The following KLHL13 variants were observed in gnomAD, a reference collection of about 807,000 sequenced individuals.
KLHL13 encodes the protein kelch like family member 13, also known as kelch-like protein 13.
A neutral mutation model predicts 37.1 loss-of-function variants in KLHL13; 10 were observed. The observed-to-expected ratio is 0.27, with a 90% CI of 0.17 to 0.46. The LOEUF (loss-of-function observed/expected upper bound fraction) is 0.46, where lower values mean the gene tolerates loss of function less well. Among genes scored for constraint, KLHL13 ranks in the 20% least tolerant of loss-of-function variants. The pLI, the probability that KLHL13 is intolerant of heterozygous loss-of-function variation, is 1.00. For synonymous variants in KLHL13, 163 were observed against 181.2 expected, an observed-to-expected ratio of 0.90 and a Z score of 0.81; for missense variants, 360 against 509.3, an observed-to-expected ratio of 0.71 and a Z score of 2.82.
At chrX:117,982,859 T>C (rs1407036564) in intron 1 of KLHL13, among the ~76,000 whole-genome samples, 1 of 111,655 alleles carries the variant, frequency 9.0e-6, no homozygotes, top group Non-Finnish European at 1.9e-5. Context: ...CACTGGCTGC[T>C]CAACACCAGT....
At chrX:118,095,104 TAA>T (rs1471976508) in intron 1 of KLHL13, among the ~76,000 whole-genome samples, 6 of 111,356 alleles carry the variant, frequency 5.4e-5, no homozygotes, top group African/African-American at 9.8e-5. Context: ...GCAAATTGGA[TAA>T]AGAGTCAAGA....
chrX:117,979,549 T>C (rs1362130556), intron 1 of KLHL13, among the ~76,000 whole-genome samples: 1 of 111,469 alleles, frequency 9.0e-6, no homozygotes, highest in Non-Finnish European at 1.9e-5. Context: ...GTTGAGTAAA[T>C]TGAAAGGGAA....
At chrX:117,960,402 T>C (rs73595673) in intron 1 of KLHL13, among the ~76,000 whole-genome samples, 2,976 of 110,708 alleles carry the variant, frequency 0.027, 100 homozygotes, top group African/African-American at 0.092. Context: ...TCAAACATAA[T>C]GGTCAATGAC....
At chrX:117,925,699 T>C (rs1038339926) in intron 2 of KLHL13, among the ~76,000 whole-genome samples, 1 of 112,297 alleles carries the variant, frequency 8.9e-6, no homozygotes, top group Non-Finnish European at 1.9e-5. Flanking sequence ...TGCAGAGACT[T>C]CTTTGATCTG....
chrX:118,090,583 A>G (rs1367252223), intron 1 of KLHL13, among the ~76,000 whole-genome samples: 7 of 111,553 alleles, frequency 6.3e-5, no homozygotes, highest in African/African-American at 2.3e-4. Flanking sequence ...ATGAGATACC[A>G]TCTCACACCA....
intron 1 of KLHL13, among the ~76,000 whole-genome samples, chrX:118,036,148 C>T (rs766276659): frequency 1.3e-4 from 13 of 100,425 alleles, no homozygotes; most frequent in Middle Eastern, 4.8e-3. Flanking sequence ...GAATCAATAT[C>T]GTGAAAATGG....
chrX:118,001,173 C>T (rs1440349622), intron 1 of KLHL13, among the ~76,000 whole-genome samples: 1 of 111,711 alleles, frequency 9.0e-6, no homozygotes, highest in African/African-American at 3.3e-5. Context: ...AACCAGCTTC[C>T]ATGAACTAAC....
intron 5 of KLHL13, among the ~76,000 whole-genome samples, chrX:117,902,276 AG>A (rs1029469539): frequency 1.8e-5 from 2 of 111,731 alleles, no homozygotes; most frequent in African/African-American, 6.5e-5. Flanking sequence ...CTAAAAACAT[AG>A]GAAGAAAGGA....
At chrX:118,018,489 T>G (rs2054154648) in intron 1 of KLHL13, among the ~76,000 whole-genome samples, 1 of 112,013 alleles carries the variant, frequency 8.9e-6, no homozygotes. Context: ...GACAATGTAC[T>G]AATAATGGAG....
At chrX:117,967,401 T>C (rs2147885489) in intron 1 of KLHL13, among the ~76,000 whole-genome samples, 1 of 111,333 alleles carries the variant, frequency 9.0e-6, no homozygotes, top group African/African-American at 3.3e-5. Flanking sequence ...CCCATACTTC[T>C]TTCTCATCGC....
chrX:118,112,903 A>T (rs2055428068), intron 1 of KLHL13, among the ~76,000 whole-genome samples: 1 of 112,317 alleles, frequency 8.9e-6, no homozygotes, highest in Non-Finnish European at 1.9e-5. Flanking sequence ...GGCAACAGGT[A>T]AAAGAAAATG....
rs1397392650 is a variant in KLHL13, at chrX:117,963,323, T to TA, written c.98+9407dup. On this transcript the variant is annotated intron_variant, in intron 1 of 6. Transcript: ENST00000262820. Reference sequence around the variant, plus strand: ...TTTATTTTAAACTAAGATTCAATCTTAGAGTTTGAGATCAAATTATTACTG... The same window carrying TA: ...TTTATTTTAAACTAAGATTCAATCTTAAGAGTTTGAGATCAAATTATTACTG... Among the ~76,000 whole-genome samples the TA allele has an allele frequency of 5.3e-4, 59 of 111,782 alleles. 1 individual carries two copies. The highest frequency in any genetic ancestry group is 1.9e-3 in the African/African-American group (58 of 30,856).
At chrX:117,965,347 A>G (rs2053402150) in intron 1 of KLHL13, among the ~76,000 whole-genome samples, 2 of 112,108 alleles carry the variant, frequency 1.8e-5, no homozygotes, top group Non-Finnish European at 3.8e-5. Context: ...AGTGATGATG[A>G]GCATTTTTTC....
intron 1 of KLHL13, chrX:117,946,412 G>C (rs916266299): frequency 8.9e-6 from 1 of 112,204 alleles, no homozygotes; most frequent in African/African-American, 3.2e-5. Context: ...AGGTCACTTA[G>C]ATGCAAAGAG....
At chrX:117,904,209 A>C (rs1261637298) in intron 5 of KLHL13, among the ~76,000 whole-genome samples, 1 of 111,468 alleles carries the variant, frequency 9.0e-6, no homozygotes, top group East Asian at 2.8e-4. Flanking sequence ...CCAGGCATTT[A>C]ATTTTTATTG....
chrX:117,957,782 C>G (rs992061406), intron 1 of KLHL13, among the ~76,000 whole-genome samples: 1 of 111,618 alleles, frequency 9.0e-6, no homozygotes, highest in South Asian at 3.7e-4. Flanking sequence ...AAACTATACA[C>G]ACAAAACACA....
intron 4 of KLHL13, among the ~76,000 whole-genome samples, chrX:117,916,255 G>C (rs1378042516): frequency 2.7e-5 from 3 of 111,906 alleles, no homozygotes; most frequent in Admixed American, 9.4e-5. Flanking sequence ...CAAAACCAAT[G>C]TAATTTTTAG....
chrX:118,098,938 G>A (rs1460490340), intron 1 of KLHL13, among the ~76,000 whole-genome samples: 1 of 67,657 alleles, frequency 1.5e-5, no homozygotes, highest in Admixed American at 1.7e-4. Flanking sequence ...GGTGGGGGAA[G>A]GGGGGTGGGG....
intron 1 of KLHL13, among the ~76,000 whole-genome samples, chrX:117,956,508 A>T (rs1010736484): frequency 1.8e-5 from 2 of 112,338 alleles, no homozygotes; most frequent in Admixed American, 9.5e-5. Context: ...AATTGAAGAT[A>T]ACTGGAGCGT....
Sources: allele counts gnomAD v4.1 joint callset (sites outside exome capture counted in the v4.1 genomes callset), GRCh38; gene constraint gnomAD v4.1.1; transcripts MANE v1.5; gene names NCBI Gene and HGNC (gene_info 2026-07-23, HGNC 2026-07-21).